The following GRM8 variants were observed in gnomAD, a reference collection of about 807,000 sequenced individuals.
GRM8 encodes glutamate metabotropic receptor 8.
A neutral mutation model predicts 87.2 loss-of-function variants in GRM8; 47 were observed. The observed-to-expected ratio is 0.54, with a 90% confidence interval of 0.43 to 0.69. The LOEUF (loss-of-function observed/expected upper bound fraction) is 0.69. GRM8 is among the 30% of genes least tolerant of loss of function. The pLI is 0.00. For missense variants in GRM8, 1,019 were observed against 1,139.2 expected (o/e 0.89, Z 1.52); for synonymous variants, 396 against 404.5 (o/e 0.98, Z 0.25).
chr7:126,887,544 A>G (rs1402758320), intron 6 of GRM8, among the ~76,000 whole-genome samples: 1 of 152,022 alleles, frequency 6.6e-6, no homozygotes, highest in Non-Finnish European at 1.5e-5. Flanking sequence ...CTCTCTGCTT[A>G]TTTATATCAA....
At chr7:127,131,488 T>A (rs929169074) in intron 2 of GRM8, among the ~76,000 whole-genome samples, 21 of 152,202 alleles carry the variant, frequency 1.4e-4, no homozygotes, top group Non-Finnish European at 2.8e-4. Context: ...TTTATTCCCA[T>A]TCTAAGTAGA....
At chr7:126,893,888 A>T (rs1162738154) in intron 6 of GRM8, among the ~76,000 whole-genome samples, 2 of 152,002 alleles carry the variant, frequency 1.3e-5, no homozygotes, top group African/African-American at 4.8e-5. Context: ...GCCCTACTGT[A>T]TCCAATCCTT....
At chr7:126,530,846 T>G (rs6467085) in intron 9 of GRM8, among the ~76,000 whole-genome samples, 55,911 of 152,114 alleles carry the variant, frequency 0.37, 10,409 homozygotes, top group Middle Eastern at 0.43. Context: ...CTCACTCTGC[T>G]TCCCAGCCTG....
At chr7:126,687,070 G>C (rs73449037) in intron 7 of GRM8, among the ~76,000 whole-genome samples, 3,131 of 152,206 alleles carry the variant, frequency 0.021, 111 homozygotes, top group African/African-American at 0.072. Flanking sequence ...ACATGTCTCA[G>C]TGAATTATTA....
At chr7:127,240,994 C>G (rs1798260273) in intron 2 of GRM8, among the ~76,000 whole-genome samples, 1 of 152,202 alleles carries the variant, frequency 6.6e-6, no homozygotes, top group Non-Finnish European at 1.5e-5. Context: ...TTGTGTCCTT[C>G]TCACTGTCAA....
intron 3 of GRM8, among the ~76,000 whole-genome samples, chr7:127,064,588 C>T (rs1457916570): frequency 6.6e-6 from 1 of 152,002 alleles, no homozygotes; most frequent in Non-Finnish European, 1.5e-5. Context: ...CCACTCTGTC[C>T]CTTTTAAGTG....
chr7:127,084,105 G>A (rs899665853), intron 3 of GRM8, among the ~76,000 whole-genome samples: 9 of 152,124 alleles, frequency 5.9e-5, no homozygotes, highest in Non-Finnish European at 1.0e-4. Context: ...AATGTAATAC[G>A]GGGCTTAAAA....
chr7:126,711,223 G>A (rs562050186), intron 7 of GRM8, among the ~76,000 whole-genome samples: 2 of 152,248 alleles, frequency 1.3e-5, no homozygotes, highest in Non-Finnish European at 1.5e-5. Context: ...AGACTTGAAA[G>A]TCAAAATACT....
At chr7:127,064,592 T>C (rs1366805077) in intron 3 of GRM8, among the ~76,000 whole-genome samples, 2 of 152,140 alleles carry the variant, frequency 1.3e-5, no homozygotes, top group Non-Finnish European at 2.9e-5. Flanking sequence ...TCTGTCCCTT[T>C]TAAGTGGGGT....
intron 8 of GRM8, among the ~76,000 whole-genome samples, chr7:126,550,994 A>G (rs1792525947): frequency 6.6e-6 from 1 of 151,656 alleles, no homozygotes; most frequent in Admixed American, 6.6e-5. Flanking sequence ...TTATAAATAC[A>G]AAAAAGGAAA....
At chr7:126,834,212 T>C (rs1795646350) in intron 6 of GRM8, among the ~76,000 whole-genome samples, 1 of 152,162 alleles carries the variant, frequency 6.6e-6, no homozygotes, top group Admixed American at 6.5e-5. Context: ...GAAAACTATC[T>C]TTGACAGAGA....
intron 2 of GRM8, among the ~76,000 whole-genome samples, chr7:127,238,474 C>T (rs1798109655): frequency 6.6e-6 from 1 of 152,286 alleles, no homozygotes; most frequent in South Asian, 2.1e-4. Context: ...CAGAGAGGGG[C>T]TTGGGAGGCA....
chr7:126,511,500 G>A (rs542253807), intron 9 of GRM8: 53 of 152,164 alleles, frequency 3.5e-4, no homozygotes, highest in African/African-American at 1.2e-3. Flanking sequence ...TGTGATGAGG[G>A]TGACTCTATG....
chr7:126,591,192 C>A (rs967754289), intron 8 of GRM8, among the ~76,000 whole-genome samples: 2 of 151,944 alleles, frequency 1.3e-5, no homozygotes, highest in African/African-American at 4.8e-5. Context: ...AAAGACATTC[C>A]ATGTAAATGG....
chr7:126,844,154 C>G (rs1242243485), intron 6 of GRM8, among the ~76,000 whole-genome samples: 2 of 152,110 alleles, frequency 1.3e-5, no homozygotes, highest in African/African-American at 4.8e-5. Flanking sequence ...AATCTGAGTT[C>G]CTGGCATTAA....
chr7:127,041,931 A>G (rs1818465398), intron 3 of GRM8, among the ~76,000 whole-genome samples: 1 of 152,080 alleles, frequency 6.6e-6, no homozygotes, highest in South Asian at 2.1e-4. Flanking sequence ...TTGAGCTCTG[A>G]TTGAGCTCTG....
intron 7 of GRM8, among the ~76,000 whole-genome samples, chr7:126,733,686 T>C (rs1299451111): frequency 2.6e-5 from 4 of 152,026 alleles, no homozygotes; most frequent in Non-Finnish European, 5.9e-5. Flanking sequence ...CATCATCATG[T>C]TGATAGGTGA....
chr7:126,837,511 T>C (rs1301249966), intron 6 of GRM8, among the ~76,000 whole-genome samples: 1 of 152,232 alleles, frequency 6.6e-6, no homozygotes, highest in Non-Finnish European at 1.5e-5. Context: ...GTGGACTTAC[T>C]GTCTAAGTTA....
intron 3 of GRM8, among the ~76,000 whole-genome samples, chr7:126,987,056 C>G (rs995294488): frequency 6.6e-6 from 1 of 152,206 alleles, no homozygotes; most frequent in Admixed American, 6.5e-5. Flanking sequence ...GAATTTGAAC[C>G]TATGAGTCTG....
Sources: allele counts gnomAD v4.1 joint callset (sites outside exome capture counted in the v4.1 genomes callset), GRCh38; gene constraint gnomAD v4.1.1; transcripts MANE v1.5; gene names NCBI Gene and HGNC (gene_info 2026-07-23, HGNC 2026-07-21).